Variants in OTOF observed in about 807,000 individuals in gnomAD.
The protein encoded by OTOF is otoferlin.
In OTOF, 218 loss-of-function variants were observed where a neutral mutation model predicts 236.8. The observed-to-expected ratio is 0.92, with a 90% confidence interval of 0.82 to 1.03. OTOF has a LOEUF of 1.03. Among genes scored for constraint, OTOF ranks in the 50% least tolerant of loss-of-function variants. The probability of loss-of-function intolerance (pLI) is 0.00; values close to 1 mark genes in which losing one functional copy is unlikely to be tolerated. For missense variants in OTOF, 2,590 were observed against 2,694.4 expected, an observed-to-expected ratio of 0.96 and a Z score of 0.86; for synonymous variants, 1,041 against 1,072.5, an observed-to-expected ratio of 0.97 and a Z score of 0.57.
chr2:26,476,398 G>A (rs1665271429), intron 22 of OTOF, 81 bp from the exon 23 acceptor site: 3 of 1,364,102 alleles, frequency 2.2e-6, no homozygotes, highest in Non-Finnish European at 2.0e-6. Flanking sequence ...GCCGGCAGAG[G>A]CCCTGGTCAG....
Position 26,464,923 on chromosome 2 carries a change from C to T in OTOF, c.4906G>A (p.Val1636Met), listed in dbSNP as rs1193365268. Residue 1636 changes from valine to methionine, a missense_variant, in exon 39 of 47, where the codon GTG becomes ATG. Physicochemically the swap from Val to Met is conservative, Grantham distance 21. Around this residue, in one of 2 missense-constraint regions of OTOF, gnomAD observed 1,211 missense variants for 1,352.8 expected, o/e 0.90. Transcript: ENST00000272371. ...GTGAAGACGCGGTTGGCCACCTTCA[C>T]TCTCCCAGGGGGCCCAAAGTGGGGG... is the stretch of plus-strand genomic sequence containing the variant. Reference protein sequence around the residue: ...DGPHFGPPGRVKVANRVFTGP... With the variant: ...DGPHFGPPGRMKVANRVFTGP... The T allele has an allele frequency of 1.3e-6, 2 of 1,593,766 alleles. No individual in the cohort carries two copies. Among genetic ancestry groups the T allele is most frequent in the Non-Finnish European group, 1.7e-6 (2 of 1,169,678 alleles).
rs190611949 is a variant in OTOF, at chr2:26,462,607, G to A, written c.5193-426C>T. Among the ~76,000 whole-genome samples, 36 of 152,348 alleles carry A rather than the reference G, an allele frequency of 2.4e-4. No homozygotes were observed. Among genetic ancestry groups the A allele is most frequent in the Non-Finnish European group, 3.5e-4 (24 of 68,028 alleles). ...TGAGTCATTCACTAAAAATTGATCT[G>A]AGCATGGCTCTCCTGGGATTGCAGA... On this transcript the variant is annotated intron_variant, in intron 41 of 46. Coordinates refer to ENST00000272371, the MANE Select transcript of OTOF (RefSeq NM_194248.3). The surrounding 1 kb of genome is among the most constrained non-coding windows in gnomAD (Gnocchi z 4.7).
chr2:26,466,326 G>T (rs1572409018), intron 36 of OTOF: 2 of 572,166 alleles, frequency 3.5e-6, no homozygotes, highest in Middle Eastern at 4.7e-4. Context: ...CTGTCAGTAT[G>T]CAGCTTCTTC....
intron 2 of OTOF, among the ~76,000 whole-genome samples, chr2:26,536,335 G>C (rs1028091971): frequency 6.6e-6 from 1 of 152,202 alleles, no homozygotes; most frequent in South Asian, 2.1e-4. Context: ...ACAGCCAGGA[G>C]GGGGAGAAGG....
intron 30 of OTOF, among the ~76,000 whole-genome samples, chr2:26,472,019 C>T (rs1314985099): frequency 1.3e-5 from 2 of 152,228 alleles, no homozygotes; most frequent in Middle Eastern, 6.8e-3. Context: ...TGCACATATG[C>T]ACACCATACG....
intron 1 of OTOF, among the ~76,000 whole-genome samples, chr2:26,538,962 G>A (rs1181145524): frequency 3.9e-5 from 6 of 151,942 alleles, no homozygotes; most frequent in Non-Finnish European, 7.4e-5. Context: ...TACAGGCGCC[G>A]CCACCATGCC....
intron 12 of OTOF, among the ~76,000 whole-genome samples, chr2:26,484,252 T>C (rs1410444075): frequency 6.6e-6 from 1 of 152,160 alleles, no homozygotes; most frequent in African/African-American, 2.4e-5. Flanking sequence ...CTCAACCCAT[T>C]TCTCACTGGC....
intron 3 of OTOF, among the ~76,000 whole-genome samples, chr2:26,520,608 A>T (rs1666653540): frequency 6.6e-6 from 1 of 152,194 alleles, no homozygotes; most frequent in Non-Finnish European, 1.5e-5. Context: ...AGAGCAGCCC[A>T]TGGAAGCCTT....
rs767315275 is a variant in OTOF at position 26,476,906 on chromosome 2, C to T, written c.2661G>A (p.Lys887=). The part of the protein sequence containing the change: ...EETGKDCAKV[K]TLFLKLPGKR... ...CCTCCAGCACCTTAAGGAAGAGCGTCTTGACCTTGGCGCAGTCCTTGCCAG... is the reference window on the plus strand; with the variant it reads ...CCTCCAGCACCTTAAGGAAGAGCGTTTTGACCTTGGCGCAGTCCTTGCCAG... The change falls in exon 22 of 47, where the codon AAG becomes AAA. Residue 887 remains lysine, a synonymous_variant. Coordinates refer to ENST00000272371, the MANE Select transcript of OTOF (RefSeq NM_194248.3). The T allele has an allele frequency of 1.2e-6, 2 of 1,611,036 alleles. No homozygotes were observed. Among genetic ancestry groups the T allele is most frequent in the East Asian group, 4.5e-5 (2 of 44,808 alleles).
At position 26,476,901 on chromosome 2, in the gene OTOF, A is replaced by G; in HGVS notation, c.2666T>C (p.Leu889Pro). 1.2e-6 allele frequency: 2 copies of G among 1,610,248 alleles called. No individual in the cohort carries two copies. The highest frequency in any genetic ancestry group is 1.7e-6 in the Non-Finnish European group (2 of 1,179,766). ...TGKDCAKVKTLFLKLPGKRGF... is the reference protein window; with the variant it reads ...TGKDCAKVKTPFLKLPGKRGF... ...TGCCCCCTCCAGCACCTTAAGGAAG[A>G]GCGTCTTGACCTTGGCGCAGTCCTT... Residue 889 changes from leucine (L) to proline (P), a missense_variant, in exon 22 of 47, where the codon CTC becomes CCC. By Grantham distance (98) the Leu-to-Pro change is moderately conservative (BLOSUM62 -3). This residue lies in a region of OTOF where 1,379 missense variants were observed against 1,341.6 expected (regional missense o/e 1.03). Coordinates refer to ENST00000272371, the MANE Select transcript of OTOF (RefSeq NM_194248.3).
chr2:26,479,859 G>A (rs1013550275), intron 16 of OTOF, among the ~76,000 whole-genome samples: 10 of 152,226 alleles, frequency 6.6e-5, no homozygotes, highest in African/African-American at 1.7e-4. Context: ...GCCTGAGTGC[G>A]AGGCCCAGCC....
In OTOF at chr2:26,495,019, C is replaced by A; in HGVS notation, c.820G>T (p.Val274Leu). ...RQLVGLNMDP[V>L]VCVEVGDDKK... ...TCGTCACCCACCTCCACGCACACCA[C>A]AGGGTCCATGTTCAAGCCCACCAGC... is the stretch of plus-strand genomic sequence containing the variant. The change falls in exon 9 of 47, where the codon GTG becomes TTG. Residue 274 changes from valine to leucine, a missense_variant. Coordinates refer to ENST00000272371, the MANE Select transcript of OTOF (RefSeq NM_194248.3). 6.2e-7 allele frequency: 1 copy of A among 1,614,194 alleles called. No individual in the cohort carries two copies. Among genetic ancestry groups the A allele is most frequent in the South Asian group, 1.1e-5 (1 of 91,090 alleles).
intron 1 of OTOF, among the ~76,000 whole-genome samples, chr2:26,540,413 G>T (rs566732644): frequency 3.5e-4 from 54 of 152,340 alleles, no homozygotes; most frequent in African/African-American, 1.2e-3. Context: ...CTAGAGCGGC[G>T]TCAGGCCAAG....
At chr2:26,542,938 G>A (rs531100438) in intron 1 of OTOF, among the ~76,000 whole-genome samples, 2 of 152,354 alleles carry the variant, frequency 1.3e-5, no homozygotes, top group South Asian at 4.1e-4. Flanking sequence ...TTGTCCCTGT[G>A]TGAGCTGAGA....
At position 26,558,529 on chromosome 2, in the gene OTOF, C is replaced by T; in HGVS notation, c.43G>A (p.Gly15Ser). ...IHLKTVSELRGRGDRIAKVTF... is the reference protein window; with the variant it reads ...IHLKTVSELRSRGDRIAKVTF... Reference sequence around the variant, plus strand: ...ACTTTGGCGATCCGGTCGCCCCTGCCCCGCAGCTCCGAGACTGTCTTGAGG... The same window carrying T: ...ACTTTGGCGATCCGGTCGCCCCTGCTCCGCAGCTCCGAGACTGTCTTGAGG... The change falls in exon 1 of 47, where the codon GGC (glycine) becomes AGC (serine). Residue 15 changes from glycine to serine, a missense_variant. Gly to Ser is a moderately conservative substitution (Grantham distance 56, BLOSUM62 0). Coordinates refer to ENST00000272371, the MANE Select transcript of OTOF (RefSeq NM_194248.3). 2 of 1,614,094 alleles carry T rather than the reference C, an allele frequency of 1.2e-6. No individual in the cohort carries two copies. Among genetic ancestry groups the T allele is most frequent in the Non-Finnish European group, 1.7e-6 (2 of 1,179,998 alleles).
At chr2:26,530,517 G>A (rs1666919172) in intron 2 of OTOF, among the ~76,000 whole-genome samples, 1 of 152,156 alleles carries the variant, frequency 6.6e-6, no homozygotes, top group African/African-American at 2.4e-5. Flanking sequence ...GAGAAGACAG[G>A]GTCCTCACTG....
chr2:26,474,692 C>T lies in OTOF; in HGVS notation c.3127-18G>A. On this transcript the variant is annotated intron_variant, in intron 25 of 46. Transcript: ENST00000272371. Reference sequence around the variant, plus strand: ...GCTTTGCCCTGACGCAACAGACAACCCAGAAGCCTCTTGGTGCTTGCTGTC... The same window carrying T: ...GCTTTGCCCTGACGCAACAGACAACTCAGAAGCCTCTTGGTGCTTGCTGTC... 1.2e-6 allele frequency: 2 copies of T among 1,613,094 alleles called. No homozygotes were observed. The highest frequency in any genetic ancestry group is 1.7e-6 in the Non-Finnish European group (2 of 1,179,964).
In OTOF at chr2:26,461,892, G is replaced by A. The variant is rs1328811836; in HGVS notation, c.5337C>T (p.His1779=). ...TGCCCTCGCCAGTGAGGGAGTGGTAGTGGACGTCTGTGTCCTGCTTGTCCT... is the reference window on the plus strand; with the variant it reads ...TGCCCTCGCCAGTGAGGGAGTGGTAATGGACGTCTGTGTCCTGCTTGTCCT... ...QQEDKQDTDV[H]YHSLTGEGNF... Residue 1779 remains histidine (H), a synonymous_variant, in exon 43 of 47, where the codon CAC becomes CAT. Transcript: ENST00000272371. The surrounding 1 kb of genome is among the most constrained non-coding windows in gnomAD (Gnocchi z 6.2). 6.2e-7 allele frequency: 1 copy of A among 1,614,188 alleles called. No individual in the cohort carries two copies. Among genetic ancestry groups the A allele is most frequent in the South Asian group, 1.1e-5 (1 of 91,088 alleles).
intron 3 of OTOF, among the ~76,000 whole-genome samples, chr2:26,521,443 A>G (rs1274404559): frequency 6.6e-6 from 1 of 152,188 alleles, no homozygotes; most frequent in African/African-American, 2.4e-5. Context: ...GGTGCCTTCT[A>G]GGCTTAACCT....
Sources: allele counts gnomAD v4.1 joint callset (sites outside exome capture counted in the v4.1 genomes callset), GRCh38; gene constraint gnomAD v4.1.1; regional missense constraint gnomAD v4.1.1; non-coding constraint Gnocchi (gnomAD v3.1); transcripts MANE v1.5; gene names NCBI Gene and HGNC (gene_info 2026-07-23, HGNC 2026-07-21).